ZFPM2: variants seen among roughly 807,000 people sequenced by gnomAD.
ZFPM2 encodes zinc finger protein ZFPM2.
ZFPM2 carries 20 observed loss-of-function variants against 98.6 expected under a neutral mutation model. The observed-to-expected ratio is 0.20, with a 90% CI of 0.14 to 0.29. The LOEUF is 0.29. Among genes scored for constraint, ZFPM2 ranks in the 10% least tolerant of loss-of-function variants. The pLI, the probability that ZFPM2 is intolerant of heterozygous loss-of-function variation, is 1.00. For synonymous variants in ZFPM2, 518 were observed against 502.7 expected (o/e 1.03, Z -0.41); for missense variants, 1,310 against 1,388.6 (o/e 0.94, Z 0.90).
At chr8:105,498,150 A>C (rs2130458941) in intron 3 of ZFPM2, among the ~76,000 whole-genome samples, 1 of 151,994 alleles carries the variant, frequency 6.6e-6, no homozygotes, top group African/African-American at 2.4e-5. Flanking sequence ...ATGAGCTTTG[A>C]TCATACCACT....
chr8:105,439,725 CA>C (rs1812197924), intron 2 of ZFPM2, among the ~76,000 whole-genome samples: 1 of 152,076 alleles, frequency 6.6e-6, no homozygotes, highest in South Asian at 2.1e-4. Context: ...CCCTGTGTTT[CA>C]AGATTCATAA....
intron 1 of ZFPM2, among the ~76,000 whole-genome samples, chr8:105,329,369 T>G (rs1049330503): frequency 6.6e-6 from 1 of 151,862 alleles, no homozygotes; most frequent in Non-Finnish European, 1.5e-5. Flanking sequence ...TTGATAGTCA[T>G]TTAAAGGCAT....
chr8:105,750,832 C>T (rs1812457910), intron 5 of ZFPM2, among the ~76,000 whole-genome samples: 1 of 151,942 alleles, frequency 6.6e-6, no homozygotes, highest in Non-Finnish European at 1.5e-5. Context: ...TGTAAGAAAT[C>T]CAGTTTGGCG....
intron 5 of ZFPM2, among the ~76,000 whole-genome samples, chr8:105,715,766 G>A (rs189569680): frequency 2.4e-3 from 361 of 151,982 alleles, no homozygotes; most frequent in Middle Eastern, 0.01. Context: ...TATAAATAGT[G>A]GTTCTCAGAA....
chr8:105,347,964 A>G (rs1329954692), intron 1 of ZFPM2, among the ~76,000 whole-genome samples: 1 of 152,152 alleles, frequency 6.6e-6, no homozygotes, highest in African/African-American at 2.4e-5. Context: ...CCAAGAAATC[A>G]CCTTAATCCA....
At chr8:105,573,679 C>G (rs1313921334) in intron 4 of ZFPM2, among the ~76,000 whole-genome samples, 1 of 152,070 alleles carries the variant, frequency 6.6e-6, no homozygotes, top group Non-Finnish European at 1.5e-5. Flanking sequence ...TTAAAATATA[C>G]AAAACGTGAT....
chr8:105,377,143 T>C (rs1323939765), intron 1 of ZFPM2, among the ~76,000 whole-genome samples: 1 of 152,136 alleles, frequency 6.6e-6, no homozygotes, highest in African/African-American at 2.4e-5. Context: ...TTCCTTCTTA[T>C]CACGTAAGTC....
intron 5 of ZFPM2, among the ~76,000 whole-genome samples, chr8:105,729,301 C>G (rs1460030802): frequency 6.6e-6 from 1 of 151,514 alleles, no homozygotes; most frequent in Non-Finnish European, 1.5e-5. Flanking sequence ...CTATATAAGG[C>G]TCATTACAAT....
intron 5 of ZFPM2, among the ~76,000 whole-genome samples, chr8:105,641,126 A>G (rs1303507856): frequency 6.6e-6 from 1 of 152,080 alleles, no homozygotes; most frequent in Non-Finnish European, 1.5e-5. Flanking sequence ...GATAATAACC[A>G]AACAAACTGA....
intron 1 of ZFPM2, among the ~76,000 whole-genome samples, chr8:105,354,839 A>T (rs1812710708): frequency 6.6e-6 from 1 of 152,130 alleles, no homozygotes; most frequent in African/African-American, 2.4e-5. Flanking sequence ...CTGTGGTCCC[A>T]CCTACTCGGG....
chr8:105,561,389 G>A lies in ZFPM2; in HGVS notation c.328G>A (p.Gly110Arg). The change falls in exon 4 of 8, where the codon GGG becomes AGG. Residue 110 changes from glycine to arginine, a missense_variant. Transcript: ENST00000407775. ...PGELEVFQKD[G>R]ERKIQSRQQL... ...AGAGCTGGAGGTGTTTCAGAAAGATGGGGAACGAAAAATTCAGAGTCGACA... is the reference window on the plus strand; with the variant it reads ...AGAGCTGGAGGTGTTTCAGAAAGATAGGGAACGAAAAATTCAGAGTCGACA... 1 of 1,613,524 alleles carries A rather than the reference G, an allele frequency of 6.2e-7. No individual in the cohort carries two copies. The highest frequency in any genetic ancestry group is 1.3e-5 in the African/African-American group (1 of 74,992).
intron 1 of ZFPM2, among the ~76,000 whole-genome samples, chr8:105,398,927 G>A (rs552272082): frequency 6.6e-5 from 10 of 152,316 alleles, no homozygotes; most frequent in Admixed American, 5.9e-4. Context: ...AGCCTTCTGT[G>A]AGGAGCAGAG....
At chr8:105,376,838 C>A (rs1180947132) in intron 1 of ZFPM2, among the ~76,000 whole-genome samples, 2 of 152,208 alleles carry the variant, frequency 1.3e-5, no homozygotes, top group Non-Finnish European at 2.9e-5. Flanking sequence ...TCCTTAGAAT[C>A]CATCCTGGGT....
intron 5 of ZFPM2, among the ~76,000 whole-genome samples, chr8:105,786,000 C>T (rs1813404107): frequency 7.1e-6 from 1 of 141,718 alleles, no homozygotes; most frequent in Admixed American, 7.3e-5. Flanking sequence ...GGAGATGGCG[C>T]CACTGCACTC....
At chr8:105,513,166 A>G (rs1813850974) in intron 3 of ZFPM2, among the ~76,000 whole-genome samples, 1 of 152,186 alleles carries the variant, frequency 6.6e-6, no homozygotes, top group Non-Finnish European at 1.5e-5. Context: ...GACCTCTTTT[A>G]GAAATAGCAT....
chr8:105,764,169 A>C (rs1217901736), intron 5 of ZFPM2, among the ~76,000 whole-genome samples: 1 of 151,730 alleles, frequency 6.6e-6, no homozygotes, highest in Non-Finnish European at 1.5e-5. Flanking sequence ...CAGGGAATAG[A>C]TAGAAGTGCA....
chr8:105,754,311 T>C (rs1452576382), intron 5 of ZFPM2, among the ~76,000 whole-genome samples: 2 of 152,182 alleles, frequency 1.3e-5, no homozygotes, highest in Non-Finnish European at 2.9e-5. Context: ...AAGCAAATAT[T>C]CAACTATAAG....
intron 5 of ZFPM2, among the ~76,000 whole-genome samples, chr8:105,752,551 CT>C (rs1410869117): frequency 6.6e-6 from 1 of 152,110 alleles, no homozygotes; most frequent in African/African-American, 2.4e-5. Context: ...ACGTTCTCTC[CT>C]TCTTTGTCAA....
intron 5 of ZFPM2, among the ~76,000 whole-genome samples, chr8:105,747,572 C>A (rs1306327177): frequency 6.6e-6 from 1 of 151,970 alleles, no homozygotes; most frequent in African/African-American, 2.4e-5. Flanking sequence ...AATTTTATCC[C>A]ATCCTCTGGC....
Sources: allele counts gnomAD v4.1 joint callset (sites outside exome capture counted in the v4.1 genomes callset), GRCh38; gene constraint gnomAD v4.1.1; transcripts MANE v1.5; gene names NCBI Gene and HGNC (gene_info 2026-07-23, HGNC 2026-07-21).